Variants in APBB2 observed in about 807,000 individuals in gnomAD.
APBB2 encodes the protein Fe65-like 1.
In APBB2, 38 loss-of-function variants were observed where a neutral mutation model predicts 82.5. The ratio of observed to expected loss-of-function variants is 0.46; its 90% confidence interval spans 0.36 to 0.60. APBB2 has a LOEUF of 0.60. APBB2 is among the 20% of genes least tolerant of loss of function. The probability of loss-of-function intolerance (pLI) is 0.00; values close to 1 mark genes in which losing one functional copy is unlikely to be tolerated. For synonymous variants in APBB2, 341 were observed against 368.2 expected (o/e 0.93, Z 0.85); for missense variants, 772 against 972.3 (o/e 0.79, Z 2.74).
At chr4:40,874,805 G>A (rs903323174) in intron 12 of APBB2, among the ~76,000 whole-genome samples, 2 of 152,194 alleles carry the variant, frequency 1.3e-5, no homozygotes, top group Non-Finnish European at 2.9e-5. Flanking sequence ...TTATGTGAGT[G>A]TGGAATCTCT....
rs201796790 is a variant in APBB2 at position 41,108,151 on chromosome 4, C to CA, written c.-260-7402dup. ...GTGTGCGTGTAAAGAGACACAGACA[C>CA]AAAAAAACAGAAGAGATGGAGATAA... is the stretch of plus-strand genomic sequence containing the variant. On this transcript the variant is annotated intron_variant, in intron 2 of 17. Transcript: ENST00000508593. Among the ~76,000 whole-genome samples the CA allele has an allele frequency of 6.9e-3, 1,042 of 151,896 alleles. 13 individuals are homozygous for CA. The highest frequency in any genetic ancestry group is 0.022 in the African/African-American group (891 of 41,422).
chr4:40,946,232 CAAAAAA>C lies in APBB2; in HGVS notation c.836-1165_836-1160del, dbSNP rs55995119. ...GGGCGACAGAGTGAGACTCTATCTC[CAAAAAA>C]AAAAAAAAAAAAAAAACATTCCCAA... On this transcript the variant is annotated intron_variant, in intron 6 of 17. Coordinates refer to ENST00000508593, the MANE Select transcript of APBB2 (RefSeq NM_004307.2). Among the ~76,000 whole-genome samples, 36 of 78,702 alleles carry C rather than the reference CAAAAAA, an allele frequency of 4.6e-4. 1 individual carries two copies. The highest frequency in any genetic ancestry group is 1.6e-3 in the African/African-American group (31 of 19,510). The allele number at this position is 78,702 out of a possible 152,430, so 51.6% of individuals were successfully genotyped here.
Position 41,160,031 on chromosome 4 carries a change from A to AGAAGAAGAAGAAGAAGAG in APBB2, c.-416-16890_-416-16889insCTCTTCTTCTTCTTCTTC, listed in dbSNP as rs1560914676. On this transcript the variant is annotated intron_variant, in intron 1 of 17. Coordinates refer to ENST00000508593, the MANE Select transcript of APBB2 (RefSeq NM_004307.2). ...AAGAAGAAGAAGAAGAAGAAGAAGA[A>AGAAGAAGAAGAAGAAGAG]GAAGAAAACATCACAGGATGCTGTT... Among the ~76,000 whole-genome samples, 5 of 147,340 alleles carry AGAAGAAGAAGAAGAAGAG rather than the reference A, an allele frequency of 3.4e-5. No individual in the cohort carries two copies. The East Asian group carries it at 9.8e-4, about 29-fold the overall frequency.
chr4:41,161,713 A>C (rs1303171100), intron 1 of APBB2, among the ~76,000 whole-genome samples: 1 of 152,234 alleles, frequency 6.6e-6, no homozygotes, highest in Non-Finnish European at 1.5e-5. Flanking sequence ...TGAAGCCCAG[A>C]AATGTTGAAA....
intron 6 of APBB2, among the ~76,000 whole-genome samples, chr4:40,998,925 C>T (rs150949865): frequency 6.6e-6 from 1 of 152,188 alleles, no homozygotes; most frequent in Admixed American, 6.5e-5. Context: ...CGGGATGAAG[C>T]AGGATGGCAC....
At chr4:41,208,528 C>T (rs751701533) in intron 1 of APBB2, among the ~76,000 whole-genome samples, 3 of 151,904 alleles carry the variant, frequency 2.0e-5, no homozygotes, top group Admixed American at 6.6e-5. Context: ...TCCGAAAGTG[C>T]TAGGATTACA....
intron 5 of APBB2, among the ~76,000 whole-genome samples, chr4:41,027,186 C>T (rs775057425): frequency 2.6e-5 from 4 of 151,978 alleles, no homozygotes; most frequent in Non-Finnish European, 5.9e-5. Context: ...GCAATACCTG[C>T]CCTCTCAGTG....
chr4:41,148,146 G>A (rs1422148131), intron 1 of APBB2, among the ~76,000 whole-genome samples: 1 of 152,134 alleles, frequency 6.6e-6, no homozygotes, highest in East Asian at 1.9e-4. Context: ...ACCGAAACTG[G>A]CATCCAACAA....
chr4:40,894,105 G>A (rs530854021), intron 10 of APBB2, among the ~76,000 whole-genome samples: 1 of 151,970 alleles, frequency 6.6e-6, no homozygotes, highest in African/African-American at 2.4e-5. Flanking sequence ...CGGCTAACAC[G>A]GTGAAGCACC....
At chr4:41,112,867 A>G (rs192309761) in intron 2 of APBB2, among the ~76,000 whole-genome samples, 499 of 152,200 alleles carry the variant, frequency 3.3e-3, no homozygotes, top group Non-Finnish European at 5.3e-3. Flanking sequence ...TGCACCTGTA[A>G]TCCCAGCTAC....
chr4:41,193,455 G>A (rs773850191), intron 1 of APBB2: 4 of 381,378 alleles, frequency 1.0e-5, no homozygotes, highest in Middle Eastern at 1.3e-3. Flanking sequence ...TGGTGACAAA[G>A]CTAGGATATG....
rs376378960 is a variant in APBB2 at position 41,148,346 on chromosome 4, T to C, written c.-416-5204A>G. On this transcript the variant is annotated intron_variant, in intron 1 of 17. Coordinates refer to ENST00000508593, the MANE Select transcript of APBB2 (RefSeq NM_004307.2). ...GTTGTGGTTCCAGGTCTGCTACTTA[T>C]GACCCAAGGATAACTAACAGCCTCT... Among the ~76,000 whole-genome samples the C allele has an allele frequency of 3.3e-4, 50 of 152,356 alleles. 1 individual carries two copies. The highest frequency in any genetic ancestry group is 1.1e-3 in the African/African-American group (47 of 41,574).
At chr4:40,849,929 G>T (rs1758807910) in intron 12 of APBB2, among the ~76,000 whole-genome samples, 1 of 151,964 alleles carries the variant, frequency 6.6e-6, no homozygotes, top group African/African-American at 2.4e-5. Flanking sequence ...TCACCATGTT[G>T]CTCAGTCTGG....
chr4:40,907,820 G>A (rs1777457325), intron 10 of APBB2, among the ~76,000 whole-genome samples: 1 of 151,066 alleles, frequency 6.6e-6, no homozygotes, highest in African/African-American at 2.4e-5. Flanking sequence ...CACCATGCCT[G>A]CTAATTAAAA....
intron 6 of APBB2, among the ~76,000 whole-genome samples, chr4:40,970,787 T>C (rs1389086335): frequency 6.6e-6 from 1 of 152,210 alleles, no homozygotes; most frequent in Non-Finnish European, 1.5e-5. Context: ...TCCTGGAACC[T>C]GGCCAGTTTT....
intron 10 of APBB2, among the ~76,000 whole-genome samples, chr4:40,915,473 A>G (rs772100947): frequency 4.8e-4 from 73 of 152,206 alleles, no homozygotes; most frequent in Admixed American, 9.8e-4. Context: ...AAATGAATGT[A>G]TATCTGCGAA....
chr4:41,161,984 C>CT (rs1765286007), intron 1 of APBB2, among the ~76,000 whole-genome samples: 1 of 152,080 alleles, frequency 6.6e-6, no homozygotes, highest in South Asian at 2.1e-4. Flanking sequence ...CCACATTTAT[C>CT]TACTCTCCCC....
intron 10 of APBB2, among the ~76,000 whole-genome samples, chr4:40,926,837 T>C (rs370368626): frequency 1.2e-4 from 18 of 152,380 alleles, no homozygotes; most frequent in Middle Eastern, 3.4e-3. Context: ...GTGTGATAAA[T>C]TGACGTCTTC....
At chr4:40,850,720 T>C (rs1759055980) in intron 12 of APBB2, among the ~76,000 whole-genome samples, 1 of 152,202 alleles carries the variant, frequency 6.6e-6, no homozygotes, top group Non-Finnish European at 1.5e-5. Flanking sequence ...ATTTAATATG[T>C]GGCCAGTGCC....
Sources: allele counts gnomAD v4.1 joint callset (sites outside exome capture counted in the v4.1 genomes callset), GRCh38; gene constraint gnomAD v4.1.1; transcripts MANE v1.5; gene names NCBI Gene and HGNC (gene_info 2026-07-23, HGNC 2026-07-21).